KIF24: variants seen among roughly 807,000 people sequenced by gnomAD.
KIF24 encodes the protein kinesin family member 24.
KIF24 carries 81 observed loss-of-function variants against 118.9 expected under a neutral mutation model. The ratio of observed to expected loss-of-function variants is 0.68; its 90% CI spans 0.57 to 0.82. The LOEUF is 0.82. KIF24 is among the 40% of genes least tolerant of loss of function. The probability of loss-of-function intolerance (pLI) is 0.00; values close to 1 mark genes in which losing one functional copy is unlikely to be tolerated. For synonymous variants in KIF24, 599 were observed against 610.0 expected (o/e 0.98, Z 0.27); for missense variants, 1,560 against 1,661.6 (o/e 0.94, Z 1.06).
At chr9:34,324,679 T>C (rs10814099) in intron 1 of KIF24, among the ~76,000 whole-genome samples, 34,288 of 152,096 alleles carry the variant, frequency 0.23, 4,560 homozygotes, top group East Asian at 0.61. Context: ...CATCTACACA[T>C]AGTACAAAGT....
chr9:34,255,709 A>G (rs1354938702), intron 11 of KIF24, 26 bp downstream of exon 11: 1 of 1,574,886 alleles, frequency 6.3e-7, no homozygotes, highest in Admixed American at 1.8e-5. Context: ...AAGGGGCTCA[A>G]GTCTTAGGGA....
rs774621485 is a variant in KIF24 at position 34,311,343 on chromosome 9, C to T, written c.4G>A (p.Ala2Thr). 1.3e-6 allele frequency: 2 copies of T among 1,554,162 alleles called. No individual in the cohort carries two copies. The highest frequency in any genetic ancestry group is 2.0e-5 in the Admixed American group (1 of 49,482). The change falls in exon 2 of 13, where the codon GCA becomes ACA. Residue 2 changes from alanine (A) to threonine (T), a missense_variant. Ala to Thr is a moderately conservative substitution (Grantham distance 58, BLOSUM62 0). Transcript: ENST00000402558. ...CAAAGACATTCATATAACCAGGATG[C>T]CATTTTGGTGAATAGGTTTCTATAA... M[A>T]SWLYECLCEA... is the part of the protein sequence containing the mutation.
intron 3 of KIF24, among the ~76,000 whole-genome samples, chr9:34,304,273 G>A (rs1409659317): frequency 6.6e-6 from 1 of 152,114 alleles, no homozygotes; most frequent in African/African-American, 2.4e-5. Flanking sequence ...AGTCTTCCCA[G>A]CATTTTTATA....
Position 34,296,925 on chromosome 9 carries a change from A to G in KIF24, c.911+92T>C, listed in dbSNP as rs1587950405. The G allele has an allele frequency of 3.0e-5, 18 of 604,038 alleles. No individual in the cohort carries two copies. The East Asian group carries it at 5.3e-4, about 18-fold the overall frequency. The allele number at this position is 604,038 out of a possible 1,614,324, so 37.4% of individuals were successfully genotyped here. On this transcript the variant is annotated intron_variant, in intron 4 of 12. Coordinates refer to ENST00000402558, the MANE Select transcript of KIF24 (RefSeq NM_194313.4). ...AACACAAATTCATGTTTAAGTCAAA[A>G]GTACTGAAAAGCATGTGATATTTAT...
At position 34,269,466 on chromosome 9, in the gene KIF24, C is replaced by A. The variant is rs573168503; in HGVS notation, c.1338-104G>T. On this transcript the variant is annotated intron_variant, in intron 7 of 12. Transcript: ENST00000402558. ...ACGGAGTCTCACTCTGTCGCCCAGGCTGGAGTGCAGTGGCGCGATTTTGGC... is the reference window on the plus strand; with the variant it reads ...ACGGAGTCTCACTCTGTCGCCCAGGATGGAGTGCAGTGGCGCGATTTTGGC... 3 of 507,448 alleles carry A rather than the reference C, an allele frequency of 5.9e-6. No individual in the cohort carries two copies. The East Asian group carries it at 1.1e-4, about 19-fold the overall frequency. The allele number at this position is 507,448 out of a possible 1,614,324, so 31.4% of individuals were successfully genotyped here.
chr9:34,305,796 G>A (rs1339768292), intron 3 of KIF24, among the ~76,000 whole-genome samples: 1 of 152,000 alleles, frequency 6.6e-6, no homozygotes, highest in Non-Finnish European at 1.5e-5. Context: ...TGGAGAGACA[G>A]GATCTCGCTA....
At chr9:34,268,506 TTTC>T (rs201404680) in intron 8 of KIF24, among the ~76,000 whole-genome samples, 15,289 of 97,382 alleles carry the variant, frequency 0.16, 850 homozygotes, top group East Asian at 0.35. Flanking sequence ...TAGGATTTTC[TTTC>T]TTTTTTTTTT....
intron 9 of KIF24, among the ~76,000 whole-genome samples, chr9:34,262,661 AAAAAAAAAAAAAAAATATATAT>A (rs1426117435): frequency 2.2e-5 from 1 of 44,864 alleles, no homozygotes; most frequent in Non-Finnish European, 4.2e-5. Context: ...AAAAAAAAAA[AAAAAAAAAAAAAAAATATATAT>A]ATATATATAT....
rs1265917023 is a variant in KIF24, at chr9:34,253,706, C to T, written c.*674G>A. On this transcript the variant is annotated 3_prime_UTR_variant, in exon 13 of 13. Coordinates refer to ENST00000402558, the MANE Select transcript of KIF24 (RefSeq NM_194313.4). ...TGATGTGTGACACAGGCACCCTCTT[C>T]TGCCTCAACACTGGATTGCAGGAAG... 1 of 152,274 alleles carries T rather than the reference C, an allele frequency of 6.6e-6. No individual in the cohort carries two copies. Among genetic ancestry groups the T allele is most frequent in the Non-Finnish European group, 1.5e-5 (1 of 68,102 alleles). The allele number at this position is 152,274 out of a possible 1,614,324, so 9.4% of individuals were successfully genotyped here. A position where few individuals can be genotyped will look rare whatever the true frequency, so the allele number is the denominator to read the frequency against.
intron 1 of KIF24, among the ~76,000 whole-genome samples, chr9:34,327,605 T>TA (rs571919779): frequency 6.6e-5 from 10 of 150,816 alleles, no homozygotes; most frequent in East Asian, 1.9e-4. Flanking sequence ...TTTCAGCAGC[T>TA]AAAAAAAAAG....
In KIF24 at chr9:34,293,278, G is replaced by A. The variant is rs10972041; in HGVS notation, c.912-2889C>T. Reference sequence around the variant, plus strand: ...GCGGATCACTTGAGGCCAGGAGTTCGAGATCAGCCTGGTCAACATGGCAAG... The same window carrying A: ...GCGGATCACTTGAGGCCAGGAGTTCAAGATCAGCCTGGTCAACATGGCAAG... On this transcript the variant is annotated intron_variant, in intron 4 of 12. Coordinates refer to ENST00000402558, the MANE Select transcript of KIF24 (RefSeq NM_194313.4). 9.2e-3 allele frequency among the ~76,000 whole-genome samples: 1,398 copies of A among 151,828 alleles called. 28 individuals carry two copies. Among genetic ancestry groups the A allele is most frequent in the African/African-American group, 0.032 (1,335 of 41,402 alleles).
At chr9:34,284,142 C>T (rs1835952201) in intron 6 of KIF24, among the ~76,000 whole-genome samples, 1 of 152,034 alleles carries the variant, frequency 6.6e-6, no homozygotes, top group Non-Finnish European at 1.5e-5. Flanking sequence ...GTGGCATATG[C>T]TTGTGGTCCC....
rs369624484 is a variant in KIF24 at position 34,290,324 on chromosome 9, G to A, written c.977C>T (p.Thr326Ile). The change falls in exon 5 of 13, where the codon ACT (threonine) becomes ATT (isoleucine). Residue 326 changes from threonine to isoleucine, a missense_variant. By Grantham distance (89) the Thr-to-Ile change is moderately conservative (BLOSUM62 -1). Transcript: ENST00000402558. ...GAGKTYTMIGTHENPGLYALA... is the reference protein window; with the variant it reads ...GAGKTYTMIGIHENPGLYALA... ...AGCATACAATCCTGGGTTCTCATGA[G>A]TTCCTATCATGGTGTAGGTCTTTCC... 6.2e-7 allele frequency: 1 copy of A among 1,613,780 alleles called. No homozygotes were observed. Among genetic ancestry groups the A allele is most frequent in the African/African-American group, 1.3e-5 (1 of 74,934 alleles).
intron 9 of KIF24, among the ~76,000 whole-genome samples, chr9:34,262,487 C>A (rs1835092623): frequency 6.6e-6 from 1 of 150,610 alleles, no homozygotes; most frequent in South Asian, 2.1e-4. Context: ...AATCTGAAAT[C>A]CTTTGAGCAT....
At chr9:34,319,602 T>C (rs1330238987) in intron 1 of KIF24, 3 of 933,448 alleles carry the variant, frequency 3.2e-6, no homozygotes, top group Non-Finnish European at 5.3e-6. Flanking sequence ...CTCCCTGCTG[T>C]TCACTGGGCA....
intron 6 of KIF24, among the ~76,000 whole-genome samples, chr9:34,275,562 C>T (rs1027753844): frequency 6.6e-6 from 1 of 151,854 alleles, no homozygotes; most frequent in African/African-American, 2.4e-5. Flanking sequence ...ATAACTGGGC[C>T]AGGCACAGTG....
chr9:34,312,904 G>C (rs1837216371), intron 1 of KIF24, among the ~76,000 whole-genome samples: 1 of 152,126 alleles, frequency 6.6e-6, no homozygotes, highest in African/African-American at 2.4e-5. Context: ...TCGCCATGTT[G>C]GCCAGGCTGG....
intron 6 of KIF24, among the ~76,000 whole-genome samples, chr9:34,274,916 C>T (rs1381018272): frequency 7.9e-5 from 12 of 151,046 alleles, no homozygotes; most frequent in Non-Finnish European, 1.2e-4. Flanking sequence ...ATCACATGTT[C>T]TCACTTATGT....
chr9:34,279,558 T>C (rs1299927451), intron 6 of KIF24, among the ~76,000 whole-genome samples: 1 of 152,246 alleles, frequency 6.6e-6, no homozygotes, highest in Non-Finnish European at 1.5e-5. Flanking sequence ...GGTGCCTGCG[T>C]TGGCAAGAAA....
Sources: allele counts gnomAD v4.1 joint callset (sites outside exome capture counted in the v4.1 genomes callset), GRCh38; gene constraint gnomAD v4.1.1; transcripts MANE v1.5; gene names NCBI Gene and HGNC (gene_info 2026-07-23, HGNC 2026-07-21).